Variants in TPR observed in about 807,000 individuals in gnomAD.
TPR encodes translocated promoter region, nuclear basket protein.
A neutral mutation model predicts 316.1 loss-of-function variants in TPR; 51 were observed. The observed-to-expected ratio is 0.16, with a 90% CI of 0.13 to 0.20. TPR has a LOEUF of 0.20. Among genes scored for constraint, TPR ranks in the 10% least tolerant of loss-of-function variants. The pLI is 1.00. For synonymous variants in TPR, 981 were observed against 914.7 expected (o/e 1.07, Z -1.31); for missense variants, 2,272 against 2,754.8 (o/e 0.82, Z 3.92).
At chr1:186,345,080 G>A (rs1346263414) in intron 24 of TPR, among the ~76,000 whole-genome samples, 2 of 148,954 alleles carry the variant, frequency 1.3e-5, no homozygotes, top group Middle Eastern at 3.4e-3. Context: ...ATCATTTCCT[G>A]TTCATAAAAA....
rs201855542 is a variant in TPR at position 186,351,485 on chromosome 1, A to G, written c.2470-15T>C. 361 of 1,549,216 alleles carry G rather than the reference A, an allele frequency of 2.3e-4. No homozygotes were observed. The highest frequency in any genetic ancestry group is 4.8e-4 in the Admixed American group (22 of 45,612). ...TCCAGTATTCCCTAAAGCAAAGAAA[A>G]GATTTTTGGTTATGCTTAAGAAAAA... On this transcript the variant is annotated splice_polypyrimidine_tract_variant and intron_variant, in intron 19 of 50. Transcript: ENST00000367478.
chr1:186,374,087 T>C (rs2101996959), intron 1 of TPR, among the ~76,000 whole-genome samples: 1 of 152,340 alleles, frequency 6.6e-6, no homozygotes, highest in South Asian at 2.1e-4. Context: ...ACACTTTTTT[T>C]GAAGTAAAAA....
chr1:186,318,016 C>A (rs1298386343), intron 48 of TPR, among the ~76,000 whole-genome samples: 9 of 152,270 alleles, frequency 5.9e-5, no homozygotes, highest in Non-Finnish European at 2.9e-5. Context: ...CGGGCTCTAG[C>A]CCAGATGAGA....
chr1:186,368,670 A>G (rs1409124184), intron 3 of TPR, among the ~76,000 whole-genome samples: 1 of 152,248 alleles, frequency 6.6e-6, no homozygotes, highest in African/African-American at 2.4e-5. Context: ...CATGTTTTTG[A>G]GTTAGAAATA....
chr1:186,360,434 AG>A, intron 10 of TPR, 70 bp from the exon 11 acceptor site: 3 of 1,519,652 alleles, frequency 2.0e-6, no homozygotes, highest in Non-Finnish European at 2.7e-6. Context: ...TAATTTTTCA[AG>A]GTAAGTGACA....
chr1:186,345,251 C>A (rs1309897982), intron 24 of TPR, among the ~76,000 whole-genome samples: 2 of 152,092 alleles, frequency 1.3e-5, no homozygotes, highest in Admixed American at 1.3e-4. Flanking sequence ...AAGGTTGCCT[C>A]TAATCAACTG....
intron 45 of TPR, among the ~76,000 whole-genome samples, chr1:186,322,015 C>T (rs1186039025): frequency 6.6e-6 from 1 of 152,150 alleles, no homozygotes; most frequent in Non-Finnish European, 1.5e-5. Context: ...AAGGAACTTG[C>T]TACCGCTAGT....
chr1:186,332,557 T>C (rs1658197823), intron 37 of TPR, among the ~76,000 whole-genome samples: 1 of 152,178 alleles, frequency 6.6e-6, no homozygotes, highest in African/African-American at 2.4e-5. Context: ...ACTTATGCTC[T>C]GAGTCAATGT....
Position 186,339,758 on chromosome 1 carries a change from T to C in TPR, c.4035A>G (p.Gln1345=), listed in dbSNP as rs1364036267. Residue 1345 remains glutamine, a synonymous_variant, in exon 30 of 51, where the codon CAA becomes CAG. Transcript: ENST00000367478. ...WKARNQHLVS[Q]QKDPDTEEYR... is the part of the protein sequence containing the mutation. ...ATTCTTCTGTATCTGGATCTTTCTG[T>C]TGACTTACTAGATGCTAGAATAACA... 3 of 1,596,004 alleles carry C rather than the reference T, an allele frequency of 1.9e-6. No individual in the cohort carries two copies. The highest frequency in any genetic ancestry group is 2.6e-6 in the Non-Finnish European group (3 of 1,172,754).
At chr1:186,347,218 G>C in intron 22 of TPR, 74 bp downstream of exon 22, 1 of 1,511,858 alleles carries the variant, frequency 6.6e-7, no homozygotes, top group African/African-American at 1.4e-5. Context: ...CCTTAAAAAA[G>C]CAGTCCTCTA....
chr1:186,323,609 G>A, intron 43 of TPR, 77 bp downstream of exon 43: 5 of 1,298,160 alleles, frequency 3.9e-6, no homozygotes, highest in Non-Finnish European at 5.1e-6. Flanking sequence ...GAGAGAGAGA[G>A]AAATACATAA....
chr1:186,355,569 G>T lies in TPR; in HGVS notation c.2023-11C>A, dbSNP rs748323885. 7 of 1,611,722 alleles carry T rather than the reference G, an allele frequency of 4.3e-6. No individual in the cohort carries two copies. Among genetic ancestry groups the T allele is most frequent in the Non-Finnish European group, 5.1e-6 (6 of 1,179,620 alleles). On this transcript the variant is annotated splice_polypyrimidine_tract_variant and intron_variant, in intron 16 of 50. Coordinates refer to ENST00000367478, the MANE Select transcript of TPR (RefSeq NM_003292.3). Reference sequence around the variant, plus strand: ...AAAAATTTCCTGCAACTAAATATTGGAGATTATGAGAAGGTAACACTGTGT... The same window carrying T: ...AAAAATTTCCTGCAACTAAATATTGTAGATTATGAGAAGGTAACACTGTGT...
rs75906210 is a variant in TPR at position 186,365,092 on chromosome 1, A to T, written c.428-1647T>A. ...AAGTCAGAAAGTACCTTGCTAGTAA[A>T]GGGGCTGCCCTTTTTTTTTTTTGGA... On this transcript the variant is annotated intron_variant, in intron 4 of 50. Transcript: ENST00000367478. Among the ~76,000 whole-genome samples, 9 of 133,110 alleles carry T rather than the reference A, an allele frequency of 6.8e-5. No individual in the cohort carries two copies. The South Asian group carries it at 1.9e-3, about 28-fold the overall frequency. The allele number at this position is 133,110 out of a possible 152,430, so 87.3% of individuals were successfully genotyped here.
intron 39 of TPR, 141 bp from the exon 40 acceptor site, chr1:186,327,801 G>A: frequency 1.4e-6 from 1 of 707,608 alleles, no homozygotes; most frequent in Non-Finnish European, 2.2e-6. Context: ...TTTTTTTTTT[G>A]AGACAGTCTC....
rs1571591662 is a variant in TPR, at chr1:186,313,970, TTTAA to T, written c.7089_7092del (p.Asn2363LysfsTer11). On this transcript the variant is annotated frameshift_variant and stop_lost, in exon 51 of 51. Transcript: ENST00000367478. LOFTEE classifies it high-confidence loss of function. ...CACAGTTGTTATTGTTTACAGACCA[TTTAA>T]TTAATATTTCCTCTGTTTATTCCTC... The T allele has an allele frequency of 6.2e-7, 1 of 1,611,620 alleles. No homozygotes were observed. The highest frequency in any genetic ancestry group is 1.3e-5 in the African/African-American group (1 of 75,026).
chr1:186,319,688 A>G (rs918286090), intron 46 of TPR, among the ~76,000 whole-genome samples: 16 of 152,188 alleles, frequency 1.1e-4, no homozygotes, highest in African/African-American at 3.4e-4. Flanking sequence ...AGTAGTATGC[A>G]TTCTCTATTC....
At position 186,326,249 on chromosome 1, in the gene TPR, C is replaced by T. The variant is rs758075398; in HGVS notation, c.5890-14G>A. ...CTCTTCATAATCCTAGTAGAAAGTT[C>T]CCCAGGCATAAATAAAAGTTTAGAA... is the stretch of plus-strand genomic sequence containing the variant. On this transcript the variant is annotated splice_polypyrimidine_tract_variant and intron_variant, in intron 40 of 50. Coordinates refer to ENST00000367478, the MANE Select transcript of TPR (RefSeq NM_003292.3). The T allele has an allele frequency of 4.7e-5, 75 of 1,596,642 alleles. No individual in the cohort carries two copies. Among genetic ancestry groups the T allele is most frequent in the Middle Eastern group, 3.3e-4 (2 of 6,070 alleles).
rs1369547370 is a variant in TPR, at chr1:186,375,133, C to T, written c.-105G>A. On this transcript the variant is annotated 5_prime_UTR_variant, in exon 1 of 51. In the 5' UTR this introduces an upstream ATG that the reference lacks. Coordinates refer to ENST00000367478, the MANE Select transcript of TPR (RefSeq NM_003292.3). Reference sequence around the variant, plus strand: ...GACGCCTGGGCCGCCGCCTCTATCACCTCGCTCGGTGGCTCGCGCGCGCCC... The same window carrying T: ...GACGCCTGGGCCGCCGCCTCTATCATCTCGCTCGGTGGCTCGCGCGCGCCC... The T allele has an allele frequency of 6.4e-7, 1 of 1,558,510 alleles. No homozygotes were observed. Among genetic ancestry groups the T allele is most frequent in the Non-Finnish European group, 8.7e-7 (1 of 1,151,778 alleles).
At chr1:186,340,407 A>C (rs1658476427) in intron 29 of TPR, among the ~76,000 whole-genome samples, 1 of 152,102 alleles carries the variant, frequency 6.6e-6, no homozygotes, top group Non-Finnish European at 1.5e-5. Flanking sequence ...TGCTTTAATA[A>C]ATTCAATAAA....
Sources: allele counts gnomAD v4.1 joint callset (sites outside exome capture counted in the v4.1 genomes callset), GRCh38; gene constraint gnomAD v4.1.1; transcripts MANE v1.5; gene names NCBI Gene and HGNC (gene_info 2026-07-23, HGNC 2026-07-21).